Variants in MUC5AC observed in about 807,000 individuals in gnomAD.
MUC5AC encodes mucin-5AC.
Under a neutral mutation model 169.7 loss-of-function variants are expected in MUC5AC, and 158 were observed. The observed-to-expected ratio is 0.93, with a 90% CI of 0.82 to 1.06. The LOEUF is 1.06. MUC5AC is among the 50% of genes least tolerant of loss of function. MUC5AC has a pLI of 0.00. For missense variants in MUC5AC, 4,359 were observed against 3,089.9 expected (o/e 1.41, Z -9.74); for synonymous variants, 1,975 against 1,237.0 (o/e 1.60, Z -12.52).
At chr11:1,193,897 G>C (rs1156358946) in intron 33 of MUC5AC, among the ~76,000 whole-genome samples, 1 of 152,256 alleles carries the variant, frequency 6.6e-6, no homozygotes, top group Non-Finnish European at 1.5e-5. Flanking sequence ...GGAGGAGTCT[G>C]TCCCTGCCTC....
At position 1,184,941 on chromosome 11, in the gene MUC5AC, A is replaced by C; in HGVS notation, c.6796A>C (p.Thr2266Pro). ...VTTSTTSTPQ[T>P]STTYAHTTST... The stretch of plus-strand genomic sequence containing the variant: ...AACCAGCACAACCTCCACTCCACAG[A>C]CCAGTACAACCTATGCCCATACAAC... Residue 2266 changes from threonine to proline, a missense_variant, in exon 31 of 49, where the codon ACC (threonine) becomes CCC (proline). Transcript: ENST00000621226. The C allele has an allele frequency of 1.5e-6, 1 of 655,440 alleles. No individual in the cohort carries two copies. Among genetic ancestry groups the C allele is most frequent in the East Asian group, 2.7e-5 (1 of 37,062 alleles). 40.6% of individuals were successfully genotyped at this position (655,440 alleles called of 1,614,324 possible).
At position 1,195,217 on chromosome 11, in the gene MUC5AC, C is replaced by T. The variant is rs763137426; in HGVS notation, c.15396C>T (p.Val5132=). The change falls in exon 36 of 49, where the codon GTC becomes GTT. Residue 5132 remains valine, a synonymous_variant. Transcript: ENST00000621226. The stretch of plus-strand genomic sequence containing the variant: ...CCACCACAGTTGGGTCTACCACGGT[C>T]GGGCCCACCACACCGCCTGCTCCGT... ...VGPTTVGSTT[V]GPTTPPAPCL... 79 of 764,536 alleles carry T rather than the reference C, an allele frequency of 1.0e-4. No homozygotes were observed. The highest frequency in any genetic ancestry group is 1.7e-4 in the South Asian group (13 of 74,608). The allele number at this position is 764,536 out of a possible 1,614,324, so 47.4% of individuals were successfully genotyped here. A position where few individuals can be genotyped will look rare whatever the true frequency, so the allele number is the denominator to read the frequency against.
Position 1,185,519 on chromosome 11 carries a change from C to A in MUC5AC, c.7374C>A (p.Thr2458=). Residue 2458 remains threonine, a synonymous_variant, in exon 31 of 49, where the codon ACC becomes ACA. Transcript: ENST00000621226. ...CTACCCCAAGCCCTGTTCCCACGACCAGCACAACCTCTGCCCCTACAACAA... is the reference window on the plus strand; with the variant it reads ...CTACCCCAAGCCCTGTTCCCACGACAAGCACAACCTCTGCCCCTACAACAA... The part of the protein sequence containing the change: ...PGTTPSPVPT[T]STTSAPTTRT... 1.4e-6 allele frequency: 1 copy of A among 726,086 alleles called. No individual in the cohort carries two copies. Among genetic ancestry groups the A allele is most frequent in the South Asian group, 1.4e-5 (1 of 69,642 alleles). The allele number at this position is 726,086 out of a possible 1,614,324, so 45.0% of individuals were successfully genotyped here.
chr11:1,195,848 C>T (rs1206687270), intron 36 of MUC5AC, 28 bp from the exon 37 acceptor site: 2 of 760,480 alleles, frequency 2.6e-6, no homozygotes, highest in Non-Finnish European at 4.8e-6. Context: ...AGAGGCTGCA[C>T]CCAGCACCCT....
At position 1,182,852 on chromosome 11, in the gene MUC5AC, C is replaced by A; in HGVS notation, c.4707C>A (p.Pro1569=). ...CTGTGGTCTCCAGCAAGCCCACCCC[C>A]ACGGAGCCCAGCACATCCTCCTGCC... ...GTSVVSSKPT[P]TEPSTSSCLQ... The change falls in exon 31 of 49, where the codon CCC becomes CCA. Residue 1569 remains proline (P), a synonymous_variant. Transcript: ENST00000621226. 2.5e-6 allele frequency: 1 copy of A among 398,476 alleles called. No homozygotes were observed. The highest frequency in any genetic ancestry group is 4.4e-6 in the Non-Finnish European group (1 of 226,056). 24.7% of individuals were successfully genotyped at this position (398,476 alleles called of 1,614,324 possible). A position where few individuals can be genotyped will look rare whatever the true frequency, so the allele number is the denominator to read the frequency against.
At position 1,195,157 on chromosome 11, in the gene MUC5AC, C is replaced by G; in HGVS notation, c.15336C>G (p.Val5112=). The change falls in exon 36 of 49, where the codon GTC becomes GTG. Residue 5112 remains valine (V), a synonymous_variant. Transcript: ENST00000621226. ...CHRPHPTPTT[V]GPTTVGSTTV... ...GGCCTCACCCGACGCCCACCACGGT[C>G]GGGCCCACCACAGTTGGGTCTACCA... 1 of 761,280 alleles carries G rather than the reference C, an allele frequency of 1.3e-6. No homozygotes were observed. The allele number at this position is 761,280 out of a possible 1,614,324, so 47.2% of individuals were successfully genotyped here.
Position 1,177,449 on chromosome 11 carries a change from T to C in MUC5AC, c.2908-5T>C, listed in dbSNP as rs1860714993. The stretch of plus-strand genomic sequence containing the variant: ...GGGGGCCCTGAGTGACCCCTTGCCA[T>C]GCAGGGCTTCGAGCTGAAGCTAAGC... On this transcript the variant is annotated splice_region_variant and splice_polypyrimidine_tract_variant and intron_variant, in intron 23 of 48. Transcript: ENST00000621226. 1 of 399,262 alleles carries C rather than the reference T, an allele frequency of 2.5e-6. No homozygotes were observed. The highest frequency in any genetic ancestry group is 4.4e-6 in the Non-Finnish European group (1 of 226,432). The allele number at this position is 399,262 out of a possible 1,614,324, so 24.7% of individuals were successfully genotyped here.
chr11:1,190,505 C>T lies in MUC5AC; in HGVS notation c.12360C>T (p.Ser4120=). Residue 4120 remains serine, a synonymous_variant, in exon 31 of 49, where the codon AGC becomes AGT. Transcript: ENST00000621226. ...TTSTIPASTP[S]TTSAPTTSTT... is the part of the protein sequence containing the mutation. ...GCACAATCCCTGCTTCTACACCCAG[C>T]ACAACCTCTGCCCCTACAACCAGCA... The T allele has an allele frequency of 2.0e-6, 1 of 500,728 alleles. No homozygotes were observed. The highest frequency in any genetic ancestry group is 2.5e-5 in the Admixed American group (1 of 40,220). 31.0% of individuals were successfully genotyped at this position (500,728 alleles called of 1,614,324 possible).
chr11:1,196,572 C>G, intron 38 of MUC5AC, 45 bp from the exon 39 acceptor site: 1 of 762,608 alleles, frequency 1.3e-6, no homozygotes, highest in Non-Finnish European at 2.4e-6. Context: ...GGGTCCTTCT[C>G]ACCGGAGGGA....
chr11:1,193,351 G>A, intron 32 of MUC5AC, 134 bp from the exon 33 acceptor site: 1 of 616,194 alleles, frequency 1.6e-6, no homozygotes, highest in Non-Finnish European at 2.9e-6. Flanking sequence ...CTGAGGGTGG[G>A]GCAGGAAGGA....
In MUC5AC at chr11:1,193,637, C is replaced by A. The variant is rs1026704136; in HGVS notation, c.14733C>A (p.Cys4911Ter). The change falls in exon 33 of 49, where the codon TGC (cysteine) becomes TGA (stop). Residue 4911 changes from cysteine to a stop codon, truncating the protein, a stop_gained. Transcript: ENST00000621226. LOFTEE classifies it high-confidence loss of function. ...TGAAGGTGGCTGACCAAGATGGCTGCTGCCATCACTACCAGTGCCAGTGTG... is the reference window on the plus strand; with the variant it reads ...TGAAGGTGGCTGACCAAGATGGCTGATGCCATCACTACCAGTGCCAGTGTG... The part of the protein sequence containing the change: ...PAVKVADQDG[C>*]CHHYQCQCVC... The A allele has an allele frequency of 1.3e-6, 1 of 764,988 alleles. No homozygotes were observed. Among genetic ancestry groups the A allele is most frequent in the Non-Finnish European group, 2.4e-6 (1 of 417,834 alleles). 47.4% of individuals were successfully genotyped at this position (764,988 alleles called of 1,614,324 possible).
Position 1,183,967 on chromosome 11 carries a change from C to T in MUC5AC, c.5822C>T (p.Thr1941Ile), listed in dbSNP as rs1860870396. ...ACCTCTGTGGTCTCCAGCAAGCCCA[C>T]CCCCACGGAGCCCAGCACATCCTCC... ...PGTSVVSSKPTPTEPSTSSCL... is the reference protein window; with the variant it reads ...PGTSVVSSKPIPTEPSTSSCL... The change falls in exon 31 of 49, where the codon ACC (threonine) becomes ATC (isoleucine). Residue 1941 changes from threonine to isoleucine, a missense_variant. Coordinates refer to ENST00000621226, the MANE Select transcript of MUC5AC (RefSeq NM_001304359.2). 1.0e-5 allele frequency: 4 copies of T among 395,340 alleles called. No homozygotes were observed. The highest frequency in any genetic ancestry group is 4.5e-5 in the Admixed American group (1 of 22,446). The allele number at this position is 395,340 out of a possible 1,614,324, so 24.5% of individuals were successfully genotyped here.
intron 2 of MUC5AC, 122 bp downstream of exon 2, chr11:1,160,811 A>C: frequency 1.0e-6 from 1 of 954,602 alleles, no homozygotes; most frequent in Non-Finnish European, 1.6e-6. Context: ...TGAGGACCAA[A>C]CCTGGGGGGA....
chr11:1,176,077 C>T lies in MUC5AC; in HGVS notation c.2402-74C>T, dbSNP rs1449241251. 7 of 394,010 alleles carry T rather than the reference C, an allele frequency of 1.8e-5. No individual in the cohort carries two copies. In the South Asian group the frequency reaches 3.9e-4, roughly 22 times the overall value. 24.4% of individuals were successfully genotyped at this position (394,010 alleles called of 1,614,324 possible). ...AATGTGCACGCACATGGCACAGACA[C>T]GTCCTCCCTGAACACATGTTTGAGG... On this transcript the variant is annotated intron_variant, in intron 19 of 48. Coordinates refer to ENST00000621226, the MANE Select transcript of MUC5AC (RefSeq NM_001304359.2).
intron 32 of MUC5AC, 89 bp downstream of exon 32, chr11:1,193,071 C>G (rs1861165328): frequency 1.6e-6 from 1 of 607,154 alleles, no homozygotes; most frequent in East Asian, 2.8e-5. Flanking sequence ...GCTGCAAAGT[C>G]TTGAGAAGGT....
intron 2 of MUC5AC, 72 bp from the exon 3 acceptor site, chr11:1,161,455 G>A (rs147151528): frequency 3.6e-5 from 46 of 1,292,532 alleles, no homozygotes; most frequent in Admixed American, 7.9e-5. Flanking sequence ...ACTCTGGAAC[G>A]TCTCCTCTGG....
intron 15 of MUC5AC, among the ~76,000 whole-genome samples, chr11:1,171,049 C>T (rs1464189769): frequency 1.4e-5 from 2 of 146,796 alleles, no homozygotes; most frequent in Non-Finnish European, 3.0e-5. Context: ...CTCACCGACT[C>T]ACCCATTCAC....
At chr11:1,199,521 G>C in intron 46 of MUC5AC, 31 bp downstream of exon 46, 1 of 702,880 alleles carries the variant, frequency 1.4e-6, no homozygotes. Context: ...TCCAGCCAAG[G>C]GGGGCTTCAC....
At chr11:1,169,897 C>T (rs1860449460) in intron 15 of MUC5AC, among the ~76,000 whole-genome samples, 3 of 132,594 alleles carry the variant, frequency 2.3e-5, no homozygotes, top group South Asian at 2.8e-4. Context: ...CACTCACCGA[C>T]TCAACCATTC....
Sources: gnomAD v4.1 joint callset for allele counts (sites outside exome capture counted in the v4.1 genomes callset) on GRCh38, gnomAD v4.1.1 for gene constraint, MANE v1.5 for transcripts, NCBI Gene and HGNC (gene_info 2026-07-23, HGNC 2026-07-21) for gene names.